The following RRBP1 variants were observed in gnomAD, a reference collection of about 807,000 sequenced individuals.
The protein encoded by RRBP1 is ribosome-binding protein 1.
A neutral mutation model predicts 165.2 loss-of-function variants in RRBP1; 94 were observed. The ratio of observed to expected loss-of-function variants is 0.57; its 90% CI spans 0.48 to 0.68. The LOEUF is 0.68. Among genes scored for constraint, RRBP1 ranks in the 30% least tolerant of loss-of-function variants. The pLI is 0.00. For missense variants in RRBP1, 1,676 were observed against 1,763.0 expected, an observed-to-expected ratio of 0.95 and a Z score of 0.88; for synonymous variants, 680 against 714.5, an observed-to-expected ratio of 0.95 and a Z score of 0.77.
intron 2 of RRBP1, among the ~76,000 whole-genome samples, chr20:17,671,692 C>G (rs560555706): frequency 6.6e-6 from 1 of 152,308 alleles, no homozygotes; most frequent in South Asian, 2.1e-4. Flanking sequence ...CAGCATTAAT[C>G]TCTGCCCCCT....
chr20:17,674,069 A>G (rs141727368), intron 2 of RRBP1, among the ~76,000 whole-genome samples: 426 of 152,358 alleles, frequency 2.8e-3, no homozygotes, highest in Non-Finnish European at 4.3e-3. Flanking sequence ...TTAAAAACCA[A>G]TTTAATGCAG....
At position 17,659,646 on chromosome 20, in the gene RRBP1, G is replaced by A; in HGVS notation, c.862C>T (p.Gln288Ter). The change falls in exon 3 of 25, where the codon CAG becomes TAG. Residue 288 changes from glutamine (Q) to a stop codon, truncating the protein, a stop_gained. Transcript: ENST00000377813. LOFTEE classifies it high-confidence loss of function. ...TGAGCCCCCTCGGCCTTTCTGCCCT[G>A]GGTTGGGGCCCCCTCCACCTTTTTC... Reference protein sequence around the residue: ...QGKKVEGAPTQGRKAEGAQNQ... With the variant: ...QGKKVEGAPT 1 of 1,550,400 alleles carries A rather than the reference G, an allele frequency of 6.4e-7. No homozygotes were observed. The highest frequency in any genetic ancestry group is 8.7e-7 in the Non-Finnish European group (1 of 1,146,930).
chr20:17,645,583 T>C (rs1207644787), intron 3 of RRBP1, among the ~76,000 whole-genome samples: 2 of 152,188 alleles, frequency 1.3e-5, no homozygotes, highest in Non-Finnish European at 2.9e-5. Context: ...GCTGTCTCAA[T>C]TGTCCCCAAA....
At chr20:17,667,048 A>C (rs1283639928) in intron 2 of RRBP1, among the ~76,000 whole-genome samples, 1 of 152,242 alleles carries the variant, frequency 6.6e-6, no homozygotes, top group Non-Finnish European at 1.5e-5. Context: ...TGTGTATTTT[A>C]AAATGAGAAA....
At position 17,621,482 on chromosome 20, in the gene RRBP1, C is replaced by T; in HGVS notation, c.3390G>A (p.Gln1130=). The change falls in exon 16 of 25, where the codon CAG becomes CAA. Residue 1130 remains glutamine (Q), a synonymous_variant. Coordinates refer to ENST00000377813, the MANE Select transcript of RRBP1 (RefSeq NM_001365613.2). ...CCGTCTCCGCCAGGATGCTGCGGTA[C>T]TGGTCACACTCGGCCTGCAGTGTGC... is the stretch of plus-strand genomic sequence containing the variant. The part of the protein sequence containing the change: ...TQSTLQAECD[Q]YRSILAETEG... 6.2e-7 allele frequency: 1 copy of T among 1,612,720 alleles called. No homozygotes were observed. Among genetic ancestry groups the T allele is most frequent in the Non-Finnish European group, 8.5e-7 (1 of 1,179,910 alleles).
At chr20:17,653,289 T>C (rs1289818481) in intron 3 of RRBP1, among the ~76,000 whole-genome samples, 1 of 152,266 alleles carries the variant, frequency 6.6e-6, no homozygotes, top group African/African-American at 2.4e-5. Context: ...CCAGGGCCTC[T>C]GTCCTTTACA....
intron 2 of RRBP1, among the ~76,000 whole-genome samples, chr20:17,667,106 T>C (rs532986472): frequency 3.0e-4 from 45 of 152,378 alleles, no homozygotes; most frequent in Non-Finnish European, 5.3e-4. Context: ...TATTAGGGTC[T>C]CTTGAGTCTC....
intron 5 of RRBP1, among the ~76,000 whole-genome samples, chr20:17,637,718 G>C (rs1421364254): frequency 6.6e-6 from 1 of 152,198 alleles, no homozygotes; most frequent in Non-Finnish European, 1.5e-5. Context: ...TGCTGGTGCT[G>C]TTCCGTGCTC....
intron 2 of RRBP1, among the ~76,000 whole-genome samples, chr20:17,674,823 T>G (rs988555642): frequency 6.6e-6 from 1 of 152,178 alleles, no homozygotes; most frequent in Non-Finnish European, 1.5e-5. Context: ...AAAATCTACC[T>G]CTTTTCAGAG....
rs1568759148 is a variant in RRBP1 at position 17,627,396 on chromosome 20, C to G, written c.2929-14G>C. 1 of 1,613,984 alleles carries G rather than the reference C, an allele frequency of 6.2e-7. No homozygotes were observed. Among genetic ancestry groups the G allele is most frequent in the Non-Finnish European group, 8.5e-7 (1 of 1,179,946 alleles). On this transcript the variant is annotated splice_polypyrimidine_tract_variant and intron_variant, in intron 10 of 24. Coordinates refer to ENST00000377813, the MANE Select transcript of RRBP1 (RefSeq NM_001365613.2). Reference sequence around the variant, plus strand: ...CGCCTGGCTGGCCTGGAATGAGAGACAAAAGCTCCTTGGTCTCCAGGAGAC... The same window carrying G: ...CGCCTGGCTGGCCTGGAATGAGAGAGAAAAGCTCCTTGGTCTCCAGGAGAC...
rs748826327 is a variant in RRBP1, at chr20:17,620,796, G to A, written c.3426C>T (p.Leu1142=). ...CCTCCACGCTCTTCTGCAGGTCTCT[G>A]AGCATGCCCTCCTGGGGGGAAACCG... is the stretch of plus-strand genomic sequence containing the variant. The part of the protein sequence containing the change: ...RSILAETEGM[L]RDLQKSVEEE... The change falls in exon 17 of 25, where the codon CTC becomes CTT. Residue 1142 remains leucine, a synonymous_variant. Transcript: ENST00000377813. 3.7e-6 allele frequency: 6 copies of A among 1,606,334 alleles called. No individual in the cohort carries two copies. Among genetic ancestry groups the A allele is most frequent in the South Asian group, 1.1e-5 (1 of 90,994 alleles).
Position 17,614,800 on chromosome 20 carries a change from G to C in RRBP1, c.4131C>G (p.Thr1377=), listed in dbSNP as rs1285631669. The change falls in exon 24 of 25, where the codon ACC becomes ACG. Residue 1377 remains threonine, a synonymous_variant. Coordinates refer to ENST00000377813, the MANE Select transcript of RRBP1 (RefSeq NM_001365613.2). ...ATRLQELLKT[T]QEQLAREKDT... The stretch of plus-strand genomic sequence containing the variant: ...CCTTCTCCCTTGCCAGCTGCTCCTG[G>C]GTCGTCTTCAGAAGCTCCTGCAGTC... 3 of 1,613,816 alleles carry C rather than the reference G, an allele frequency of 1.9e-6. No individual in the cohort carries two copies. Among genetic ancestry groups the C allele is most frequent in the East Asian group, 4.5e-5 (2 of 44,876 alleles).
chr20:17,681,635 GCCGCC>G (rs1036837286), intron 1 of RRBP1, among the ~76,000 whole-genome samples: 24 of 147,204 alleles, frequency 1.6e-4, no homozygotes, highest in Non-Finnish European at 3.2e-4. Flanking sequence ...CCAGCTGTGC[GCCGCC>G]CCGCCCCGCC....
intron 8 of RRBP1, among the ~76,000 whole-genome samples, chr20:17,632,588 C>T (rs2122316790): frequency 6.6e-6 from 1 of 152,318 alleles, no homozygotes; most frequent in African/African-American, 2.4e-5. Context: ...GTTCTAGTTC[C>T]AAGAGGCAGC....
intron 8 of RRBP1, among the ~76,000 whole-genome samples, chr20:17,631,465 T>C (rs1341090953): frequency 6.6e-6 from 1 of 152,212 alleles, no homozygotes; most frequent in East Asian, 1.9e-4. Context: ...AAACTTAAAA[T>C]CTTTGATGGA....
rs567337519 is a variant in RRBP1, at chr20:17,653,102, G to A, written c.1912+5494C>T. Among the ~76,000 whole-genome samples the A allele has an allele frequency of 7.9e-5, 12 of 152,348 alleles. No individual in the cohort carries two copies. In the East Asian group the frequency reaches 9.7e-4, roughly 12 times the overall value. ...GAGAAGGGCCTTTGCAAGGCAAAAC[G>A]GCCAAGCATCCAGAGAGCGCCACCG... On this transcript the variant is annotated intron_variant, in intron 3 of 24. Coordinates refer to ENST00000377813, the MANE Select transcript of RRBP1 (RefSeq NM_001365613.2).
rs1443424321 is a variant in RRBP1, at chr20:17,643,581, G to T, written c.1913-454C>A. ...GCCTTGTGGGACCTGACTGGGCAGC[G>T]AATTTACCGTCCACCACACACAGAC... On this transcript the variant is annotated intron_variant, in intron 3 of 24. Coordinates refer to ENST00000377813, the MANE Select transcript of RRBP1 (RefSeq NM_001365613.2). This position sits in a 1 kb window ranked among gnomAD's most constrained non-coding sequence, Gnocchi z 4.3. Among the ~76,000 whole-genome samples the T allele has an allele frequency of 6.6e-6, 1 of 152,016 alleles. No individual in the cohort carries two copies. Among genetic ancestry groups the T allele is most frequent in the Non-Finnish European group, 1.5e-5 (1 of 68,010 alleles).
At chr20:17,645,742 G>A (rs1382594698) in intron 3 of RRBP1, among the ~76,000 whole-genome samples, 1 of 152,210 alleles carries the variant, frequency 6.6e-6, no homozygotes, top group Non-Finnish European at 1.5e-5. Flanking sequence ...GCAAATACTC[G>A]AAGATACCAG....
chr20:17,631,243 C>G (rs2036145992), intron 8 of RRBP1, among the ~76,000 whole-genome samples: 1 of 152,256 alleles, frequency 6.6e-6, no homozygotes, highest in African/African-American at 2.4e-5. Context: ...CACCCTCACA[C>G]CTCTGCCTCG....
Sources: allele counts gnomAD v4.1 joint callset (sites outside exome capture counted in the v4.1 genomes callset), GRCh38; gene constraint gnomAD v4.1.1; non-coding constraint Gnocchi (gnomAD v3.1); transcripts MANE v1.5; gene names NCBI Gene and HGNC (gene_info 2026-07-23, HGNC 2026-07-21).